Variants in PRKDC observed in about 807,000 individuals in gnomAD.
The protein encoded by PRKDC is DNA-dependent protein kinase catalytic subunit.
A neutral mutation model predicts 486.9 loss-of-function variants in PRKDC; 82 were observed. The observed-to-expected ratio is 0.17, with a 90% CI of 0.14 to 0.20. PRKDC has a LOEUF of 0.20. Among genes scored for constraint, PRKDC ranks in the 10% least tolerant of loss-of-function variants. The pLI is 1.00. For synonymous variants in PRKDC, 1,895 were observed against 1,837.0 expected (o/e 1.03, Z -0.81); for missense variants, 4,504 against 5,038.2 (o/e 0.89, Z 3.21).
At chr8:47,778,830 GA>G in intron 81 of PRKDC, 31 bp from the exon 82 acceptor site, 2 of 1,581,396 alleles carry the variant, frequency 1.3e-6, no homozygotes, top group Non-Finnish European at 1.7e-6. Flanking sequence ...CATCTAATTA[GA>G]AAAAATTTCT....
intron 40 of PRKDC, among the ~76,000 whole-genome samples, chr8:47,873,505 C>T (rs775870553): frequency 5.3e-5 from 8 of 152,056 alleles, no homozygotes; most frequent in Non-Finnish European, 1.2e-4. Flanking sequence ...GATCATGCCA[C>T]TGCACTCCAG....
chr8:47,856,630 A>G (rs1273961760), intron 49 of PRKDC, among the ~76,000 whole-genome samples: 2 of 152,128 alleles, frequency 1.3e-5, no homozygotes, highest in Non-Finnish European at 2.9e-5. Context: ...TGAGTAGGCA[A>G]AGCACCAACA....
chr8:47,958,927 G>A (rs967151248), intron 1 of PRKDC, among the ~76,000 whole-genome samples: 18 of 152,090 alleles, frequency 1.2e-4, no homozygotes, highest in African/African-American at 2.4e-5. Flanking sequence ...GTAGAGACAA[G>A]GTTTCACCAT....
intron 29 of PRKDC, among the ~76,000 whole-genome samples, chr8:47,897,518 A>C (rs1286123802): frequency 2.6e-5 from 4 of 152,228 alleles, no homozygotes; most frequent in Non-Finnish European, 5.9e-5. Context: ...ATGTGGGGAA[A>C]AATTAAAAAG....
At chr8:47,871,755 C>T (rs545705615) in intron 40 of PRKDC, among the ~76,000 whole-genome samples, 2 of 152,116 alleles carry the variant, frequency 1.3e-5, no homozygotes, top group African/African-American at 4.8e-5. Context: ...CCCGCCACCA[C>T]GCCTGGCTTA....
intron 49 of PRKDC, among the ~76,000 whole-genome samples, chr8:47,856,583 A>G (rs553903413): frequency 6.6e-6 from 1 of 152,306 alleles, no homozygotes; most frequent in African/African-American, 2.4e-5. Flanking sequence ...TCCTCACATG[A>G]AAACGTTTGT....
In PRKDC at chr8:47,930,257, TTG is replaced by T. The variant is rs1237382528; in HGVS notation, c.1893-247_1893-246del. Among the ~76,000 whole-genome samples the T allele has an allele frequency of 2.0e-5, 3 of 152,178 alleles. No individual in the cohort carries two copies. In the East Asian group the frequency reaches 5.8e-4, roughly 29 times the overall value. On this transcript the variant is annotated intron_variant, in intron 17 of 85. Coordinates refer to ENST00000314191, the MANE Select transcript of PRKDC (RefSeq NM_006904.7). ...AGATCTATATAATCGATTACAGATT[TTG>T]TCTTTTATTATTTGTTATTTATTTA...
At chr8:47,870,836 ACAGAAAAGGAATCCAGAATC>A (rs1415233813) in intron 40 of PRKDC, among the ~76,000 whole-genome samples, 1 of 152,220 alleles carries the variant, frequency 6.6e-6, no homozygotes, top group Non-Finnish European at 1.5e-5. Context: ...TCAACATAAT[ACAGAAAAGGAATCCAGAATC>A]TTATCAGATA....
rs747731030 is a variant in PRKDC, at chr8:47,799,204, A to G, written c.10297+6T>C. 48 of 1,613,590 alleles carry G rather than the reference A, an allele frequency of 3.0e-5. No individual in the cohort carries two copies. Among genetic ancestry groups the G allele is most frequent in the Admixed American group, 5.0e-5 (3 of 59,994 alleles). On this transcript the variant is annotated splice_donor_region_variant and intron_variant, in intron 72 of 85. Transcript: ENST00000314191. ...TGGAACACTAGCTTTTTAATTTTCA[A>G]TTCACCTGATGCATTCTCTTCCTCC... is the stretch of plus-strand genomic sequence containing the variant.
In PRKDC at chr8:47,862,509, G is replaced by A. The variant is rs1484134202; in HGVS notation, c.5783C>T (p.Ala1928Val). The change falls in exon 43 of 86, where the codon GCA (alanine) becomes GTA (valine). Residue 1928 changes from alanine to valine, a missense_variant. Transcript: ENST00000314191. ...CCTCTCCAGCAGCTGATTCTCTCCT[G>A]CCATGTTCTCTGTAAATGCATCGTA... ...LCYDAFTENM[A>V]GENQLLERRR... The A allele has an allele frequency of 1.9e-6, 3 of 1,612,518 alleles. No individual in the cohort carries two copies.
At chr8:47,837,142 G>A in intron 57 of PRKDC, 70 bp downstream of exon 57, 1 of 1,413,458 alleles carries the variant, frequency 7.1e-7, no homozygotes. Context: ...GCCAGTCAAA[G>A]CTATTAAAAA....
At chr8:47,809,094 G>T (rs1328070861) in intron 68 of PRKDC, among the ~76,000 whole-genome samples, 2 of 149,766 alleles carry the variant, frequency 1.3e-5, no homozygotes, top group Non-Finnish European at 3.0e-5. Context: ...AAAGGAGAGG[G>T]GAGGGGAGTG....
intron 14 of PRKDC, among the ~76,000 whole-genome samples, chr8:47,934,578 A>C (rs1336366717): frequency 1.3e-5 from 2 of 152,192 alleles, no homozygotes; most frequent in Non-Finnish European, 2.9e-5. Context: ...AAAATATGTG[A>C]TTCTTCTGTG....
intron 58 of PRKDC, among the ~76,000 whole-genome samples, chr8:47,835,124 A>G (rs1376779958): frequency 6.6e-6 from 1 of 152,212 alleles, no homozygotes; most frequent in Non-Finnish European, 1.5e-5. Flanking sequence ...AAGGATTAAG[A>G]TATGTTACTC....
rs537189303 is a variant in PRKDC, at chr8:47,900,658, G to C, written c.3270-191C>G. ...AGGTGGATCACGAGGTCAGGAGATC[G>C]AGACCACAGTGAAACCCCGTCTCTA... On this transcript the variant is annotated intron_variant, in intron 27 of 85. Coordinates refer to ENST00000314191, the MANE Select transcript of PRKDC (RefSeq NM_006904.7). Among the ~76,000 whole-genome samples, 3 of 151,990 alleles carry C rather than the reference G, an allele frequency of 2.0e-5. No individual in the cohort carries two copies. The South Asian group carries it at 6.2e-4, about 32-fold the overall frequency.
chr8:47,850,043 A>G (rs1316950406), intron 52 of PRKDC, among the ~76,000 whole-genome samples: 1 of 152,112 alleles, frequency 6.6e-6, no homozygotes, highest in Non-Finnish European at 1.5e-5. Context: ...TCATCTGTGT[A>G]CCATCTGTCT....
At position 47,782,925 on chromosome 8, in the gene PRKDC, C is replaced by CT. The variant is rs2086722423; in HGVS notation, c.11176-328dup. 4 of 336,484 alleles carry CT rather than the reference C, an allele frequency of 1.2e-5. No individual in the cohort carries two copies. The South Asian group carries it at 1.6e-4, about 14-fold the overall frequency. 20.8% of individuals were successfully genotyped at this position (336,484 alleles called of 1,614,324 possible). ...AGTGGATACTCACACACAGCTTACT[C>CT]TTTGAGTTTATGATATCTTAAATAG... On this transcript the variant is annotated intron_variant, in intron 78 of 85. Transcript: ENST00000314191. This position sits in a 1 kb window ranked among gnomAD's most constrained non-coding sequence, Gnocchi z 4.9.
intron 57 of PRKDC, 147 bp from the exon 58 acceptor site, chr8:47,836,674 TCTC>T: frequency 1.3e-6 from 1 of 782,158 alleles, no homozygotes; most frequent in African/African-American, 1.8e-5. Context: ...AGAAGAACCT[TCTC>T]TAATTTAAAA....
chr8:47,885,916 C>A (rs777861292), intron 36 of PRKDC, 28 bp downstream of exon 36: 3 of 1,592,020 alleles, frequency 1.9e-6, no homozygotes, highest in Admixed American at 1.7e-5. Flanking sequence ...ACAAAAAAAA[C>A]AGTTTATTTA....
Sources: gnomAD v4.1 joint callset for allele counts (sites outside exome capture counted in the v4.1 genomes callset) on GRCh38, gnomAD v4.1.1 for gene constraint, Gnocchi (gnomAD v3.1) non-coding constraint, MANE v1.5 for transcripts, NCBI Gene and HGNC (gene_info 2026-07-23, HGNC 2026-07-21) for gene names.